Variants in MSI2 observed in about 807,000 individuals in gnomAD.
The protein encoded by MSI2 is musashi RNA binding protein 2, also known as RNA-binding protein Musashi homolog 2.
A neutral mutation model predicts 45.6 loss-of-function variants in MSI2; 17 were observed. The observed-to-expected ratio is 0.37, with a 90% CI of 0.26 to 0.56. MSI2 has a LOEUF of 0.56. MSI2 is among the 20% of genes least tolerant of loss of function. MSI2 has a pLI of 0.77. For synonymous variants in MSI2, 156 were observed against 158.2 expected (o/e 0.99, Z 0.11); for missense variants, 293 against 444.2 (o/e 0.66, Z 3.06).
Position 57,652,144 on chromosome 17 carries a change from C to T in MSI2, c.773C>T (p.Ala258Val), listed in dbSNP as rs1409691153. 8 of 1,613,832 alleles carry T rather than the reference C, an allele frequency of 5.0e-6. No individual in the cohort carries two copies. The highest frequency in any genetic ancestry group is 4.5e-5 in the East Asian group (2 of 44,872). ...AYGPVAAAAV[A>V]AARGSGSNPA... The stretch of plus-strand genomic sequence containing the variant: ...GGACCAGTGGCAGCAGCGGCGGTGG[C>T]GGCAGCAAGAGGATCAGGTAGGAAG... Residue 258 changes from alanine to valine, a missense_variant, in exon 11 of 14, where the codon GCG becomes GTG. Coordinates refer to ENST00000284073, the MANE Select transcript of MSI2 (RefSeq NM_138962.4). The surrounding 1 kb of genome is among the most constrained non-coding windows in gnomAD (Gnocchi z 4.1).
chr17:57,596,602 TTTC>T lies in MSI2; in HGVS notation c.455-263_455-261del, dbSNP rs1269833243. On this transcript the variant is annotated intron_variant, in intron 7 of 13. Coordinates refer to ENST00000284073, the MANE Select transcript of MSI2 (RefSeq NM_138962.4). The surrounding 1 kb of genome is among the most constrained non-coding windows in gnomAD (Gnocchi z 4.6). ...CCCTTGTAAATAACAGACAAGTAAA[TTTC>T]TTGTTTGCTTCGGGGCAAATGTAAA... is the stretch of plus-strand genomic sequence containing the variant. Among the ~76,000 whole-genome samples, 1 of 152,188 alleles carries T rather than the reference TTTC, an allele frequency of 6.6e-6. No homozygotes were observed. The highest frequency in any genetic ancestry group is 1.5e-5 in the Non-Finnish European group (1 of 68,034).
At chr17:57,603,911 T>C (rs189314444) in intron 8 of MSI2, among the ~76,000 whole-genome samples, 100 of 152,368 alleles carry the variant, frequency 6.6e-4, no homozygotes, top group African/African-American at 2.2e-3. Context: ...AGTTTCACTA[T>C]TGAGCACACA....
intron 6 of MSI2, among the ~76,000 whole-genome samples, chr17:57,426,919 A>C (rs2084503175): frequency 6.6e-6 from 1 of 152,218 alleles, no homozygotes; most frequent in Non-Finnish European, 1.5e-5. Flanking sequence ...AATGGAAGCA[A>C]ACTCTTTCCA....
intron 10 of MSI2, among the ~76,000 whole-genome samples, chr17:57,645,565 A>T (rs1910592828): frequency 6.6e-6 from 1 of 151,090 alleles, no homozygotes; most frequent in Non-Finnish European, 1.5e-5. Flanking sequence ...TCTCCTGAGC[A>T]GCTGGGATTA....
chr17:57,548,688 C>T (rs545716342), intron 7 of MSI2, among the ~76,000 whole-genome samples: 25 of 139,464 alleles, frequency 1.8e-4, no homozygotes, highest in African/African-American at 4.2e-4. Context: ...GGGCTGGGAG[C>T]GGGTGGGGGT....
intron 6 of MSI2, among the ~76,000 whole-genome samples, chr17:57,424,605 C>T (rs948299248): frequency 6.6e-6 from 1 of 152,210 alleles, no homozygotes; most frequent in Admixed American, 6.5e-5. Context: ...GCCATTAACA[C>T]ATGACTATCT....
chr17:57,557,480 T>C (rs551398198), intron 7 of MSI2, among the ~76,000 whole-genome samples: 1 of 152,340 alleles, frequency 6.6e-6, no homozygotes, highest in African/African-American at 2.4e-5. Context: ...GGCAATGCCA[T>C]CACCACCCAG....
chr17:57,317,297 G>A (rs1283120500), intron 5 of MSI2, among the ~76,000 whole-genome samples: 1 of 152,132 alleles, frequency 6.6e-6, no homozygotes, highest in Non-Finnish European at 1.5e-5. Flanking sequence ...AGATGATGAC[G>A]ATGCCTGGAG....
chr17:57,386,065 T>C (rs913437692), intron 5 of MSI2, among the ~76,000 whole-genome samples: 3 of 152,208 alleles, frequency 2.0e-5, no homozygotes, highest in Admixed American at 6.5e-5. Flanking sequence ...GGCCCTTCCC[T>C]ATTTTACTTG....
Position 57,652,968 on chromosome 17 carries a change from C to G in MSI2, c.790+807C>G, listed in dbSNP as rs1911284050. ...CAGGGCTTCTGCTGTGCCCTGGGCT[C>G]CCTCCCCACCCCTGCTCCCTGAACT... On this transcript the variant is annotated intron_variant, in intron 11 of 13. Coordinates refer to ENST00000284073, the MANE Select transcript of MSI2 (RefSeq NM_138962.4). This position sits in a 1 kb window ranked among gnomAD's most constrained non-coding sequence, Gnocchi z 4.1. Among the ~76,000 whole-genome samples the G allele has an allele frequency of 6.6e-6, 1 of 152,132 alleles. No individual in the cohort carries two copies. Among genetic ancestry groups the G allele is most frequent in the South Asian group, 2.1e-4 (1 of 4,828 alleles).
chr17:57,649,896 G>A (rs1911002128), intron 10 of MSI2, among the ~76,000 whole-genome samples: 2 of 152,214 alleles, frequency 1.3e-5, no homozygotes, highest in African/African-American at 2.4e-5. Context: ...GTAGGGCACA[G>A]AGGCAGTGGG....
chr17:57,265,614 T>G (rs1598044552), intron 5 of MSI2: 1 of 152,226 alleles, frequency 6.6e-6, no homozygotes, highest in African/African-American at 2.4e-5. Context: ...GATGTAAATG[T>G]TCACATCTCA....
At chr17:57,256,208 C>G (rs189218791), upstream of MSI2, among the ~76,000 whole-genome samples, 3 of 152,012 alleles carry the variant, frequency 2.0e-5, no homozygotes, top group East Asian at 1.9e-4. Context: ...ACCCGCCCCC[C>G]GCAGCCCATG....
intron 9 of MSI2, among the ~76,000 whole-genome samples, chr17:57,620,376 G>GA (rs1908175068): frequency 6.6e-6 from 1 of 152,164 alleles, no homozygotes; most frequent in Non-Finnish European, 1.5e-5. Flanking sequence ...TCTTCAGAAA[G>GA]AAAAAATATG....
At chr17:57,628,730 C>T (rs80072159) in intron 10 of MSI2, 1 of 152,686 alleles carries the variant, frequency 6.5e-6, no homozygotes, top group Non-Finnish European at 1.5e-5. Context: ...CCAGTGTCCC[C>T]TGGGGCTGGG....
intron 6 of MSI2, among the ~76,000 whole-genome samples, chr17:57,459,205 C>T (rs536695480): frequency 6.6e-6 from 1 of 152,296 alleles, no homozygotes; most frequent in Admixed American, 6.5e-5. Flanking sequence ...ATCCTCATGA[C>T]ATGGTAATGA....
chr17:57,419,978 T>A (rs766011119), intron 6 of MSI2, among the ~76,000 whole-genome samples: 3 of 152,230 alleles, frequency 2.0e-5, no homozygotes, highest in Non-Finnish European at 4.4e-5. Context: ...TGGGGTATCC[T>A]GGTTCAAATT....
chr17:57,286,104 T>C (rs1909852932), intron 5 of MSI2: 2 of 902,216 alleles, frequency 2.2e-6, no homozygotes, highest in South Asian at 5.0e-5. Flanking sequence ...TTTCTTTCTT[T>C]CTTTTGTCTA....
chr17:57,338,067 C>T (rs770598590), intron 5 of MSI2, among the ~76,000 whole-genome samples: 2 of 152,016 alleles, frequency 1.3e-5, no homozygotes, highest in Admixed American at 6.6e-5. Flanking sequence ...CCGCCAAGGA[C>T]GAGATTTGTA....
Sources: gnomAD v4.1 joint callset for allele counts (sites outside exome capture counted in the v4.1 genomes callset) on GRCh38, gnomAD v4.1.1 for gene constraint, Gnocchi (gnomAD v3.1) non-coding constraint, MANE v1.5 for transcripts, NCBI Gene and HGNC (gene_info 2026-07-23, HGNC 2026-07-21) for gene names.